SMIM14: variants seen among roughly 807,000 people sequenced by gnomAD.
The protein encoded by SMIM14 is small integral membrane protein 14.
A neutral mutation model predicts 12.6 loss-of-function variants in SMIM14; 5 were observed. The ratio of observed to expected loss-of-function variants is 0.40; its 90% CI spans 0.21 to 0.83. SMIM14 has a LOEUF of 0.83. SMIM14 is among the 40% of genes least tolerant of loss of function. SMIM14 has a pLI of 0.37. For missense variants in SMIM14, 86 were observed against 119.1 expected, an observed-to-expected ratio of 0.72 and a Z score of 1.29; for synonymous variants, 30 against 40.1, an observed-to-expected ratio of 0.75 and a Z score of 0.95.
chr4:39,578,485 T>C (rs564405790), intron 2 of SMIM14, among the ~76,000 whole-genome samples: 17 of 152,286 alleles, frequency 1.1e-4, no homozygotes, highest in African/African-American at 3.8e-4. Flanking sequence ...CCAAAGATAA[T>C]ACCCACAGTA....
chr4:39,572,644 A>G (rs1264187136), intron 2 of SMIM14, among the ~76,000 whole-genome samples, 181 bp from the exon 3 acceptor site: 1 of 151,990 alleles, frequency 6.6e-6, no homozygotes, highest in African/African-American at 2.4e-5. Context: ...TAACACAGCA[A>G]TACCCCATGT....
rs146491231 is a variant in SMIM14 at position 39,580,179 on chromosome 4, T to TTTA, written c.76-7719_76-7717dup. Among the ~76,000 whole-genome samples, 76 of 151,436 alleles carry TTTA rather than the reference T, an allele frequency of 5.0e-4. No individual in the cohort carries two copies. In the South Asian group the frequency reaches 0.014, roughly 27 times the overall value. On this transcript the variant is annotated intron_variant, in intron 2 of 4. Transcript: ENST00000295958. ...GGTTAAAAAATATTTTGTGTGTGGT[T>TTTA]TTATTATTATTATTATTTTGAGACA...
intron 2 of SMIM14, among the ~76,000 whole-genome samples, chr4:39,574,695 G>A (rs1713075471): frequency 1.3e-5 from 2 of 152,166 alleles, no homozygotes; most frequent in Admixed American, 6.6e-5. Flanking sequence ...ATGCAGTAAT[G>A]ACTCAAGAAA....
At chr4:39,604,256 G>C (rs1009635696) in intron 2 of SMIM14, among the ~76,000 whole-genome samples, 8 of 152,032 alleles carry the variant, frequency 5.3e-5, no homozygotes, top group Non-Finnish European at 2.9e-5. Flanking sequence ...CAGTAGTCTG[G>C]GCTGGGGAGG....
chr4:39,623,038 T>A lies in SMIM14; in HGVS notation c.-36+15701A>T, dbSNP rs73240633. The stretch of plus-strand genomic sequence containing the variant: ...CAAACCAACCTAGTAAAAGGACATT[T>A]ATGAACTATCAGGAACTTTGAACAC... On this transcript the variant is annotated intron_variant, in intron 1 of 4. Coordinates refer to ENST00000295958, the MANE Select transcript of SMIM14 (RefSeq NM_174921.3). Among the ~76,000 whole-genome samples, 879 of 152,310 alleles carry A rather than the reference T, an allele frequency of 5.8e-3. 1 individual carries two copies. Among genetic ancestry groups the A allele is most frequent in the Non-Finnish European group, 9.6e-3 (653 of 68,024 alleles).
In SMIM14 at chr4:39,627,969, C is replaced by T. The variant is rs574178022; in HGVS notation, c.-36+10770G>A. On this transcript the variant is annotated intron_variant, in intron 1 of 4. Transcript: ENST00000295958. ...TTTCTAAAATTTCCACCCAAGAGGG[C>T]ACATGTCATCAGGACCTCCTGTGTC... 1.3e-3 allele frequency among the ~76,000 whole-genome samples: 191 copies of T among 152,286 alleles called. No homozygotes were observed. In the Middle Eastern group the frequency reaches 0.014, roughly 11 times the overall value.
intron 2 of SMIM14, among the ~76,000 whole-genome samples, chr4:39,580,540 T>C (rs180774730): frequency 1.3e-3 from 203 of 151,456 alleles, no homozygotes; most frequent in African/African-American, 4.8e-3. Flanking sequence ...TTTTTTTTTT[T>C]AGATGGAGTC....
rs1711579907 is a variant in SMIM14 at position 39,549,878 on chromosome 4, C to A, written c.*2248G>T. ...TATCCAGGATTTAACTTACCTGTGT[C>A]ATGTTACCGATCTATTAACACAAGT... On this transcript the variant is annotated 3_prime_UTR_variant, in exon 5 of 5. Transcript: ENST00000295958. 6.6e-6 allele frequency: 1 copy of A among 152,166 alleles called. No individual in the cohort carries two copies. Among genetic ancestry groups the A allele is most frequent in the African/African-American group, 2.4e-5 (1 of 41,436 alleles). 9.4% of individuals were successfully genotyped at this position (152,166 alleles called of 1,614,324 possible).
At chr4:39,576,444 G>A (rs1371138053) in intron 2 of SMIM14, among the ~76,000 whole-genome samples, 1 of 151,048 alleles carries the variant, frequency 6.6e-6, no homozygotes, top group Non-Finnish European at 1.5e-5. Context: ...AGGTGACAAG[G>A]TGCCCTGCCT....
At chr4:39,606,493 T>C (rs1714813231) in intron 1 of SMIM14, among the ~76,000 whole-genome samples, 2 of 151,808 alleles carry the variant, frequency 1.3e-5, no homozygotes, top group Admixed American at 1.3e-4. Flanking sequence ...ATACAAAAAT[T>C]AGCCAAGCGT....
intron 1 of SMIM14, among the ~76,000 whole-genome samples, chr4:39,635,998 C>T (rs891222338): frequency 2.0e-5 from 3 of 151,770 alleles, no homozygotes; most frequent in African/African-American, 7.3e-5. Context: ...CATGGTGAAA[C>T]CCCGTCTCTA....
chr4:39,609,204 A>T (rs917863485), intron 1 of SMIM14, among the ~76,000 whole-genome samples: 4 of 151,654 alleles, frequency 2.6e-5, no homozygotes, highest in African/African-American at 9.7e-5. Context: ...ATGGTCTCGA[A>T]CTCCTGACCT....
chr4:39,573,779 G>A (rs1469008131), intron 2 of SMIM14, among the ~76,000 whole-genome samples: 1 of 152,132 alleles, frequency 6.6e-6, no homozygotes, highest in Non-Finnish European at 1.5e-5. Context: ...GGATAGATAA[G>A]AAACTAATAA....
intron 2 of SMIM14, among the ~76,000 whole-genome samples, chr4:39,584,481 C>CA (rs554273493): frequency 0.022 from 600 of 27,608 alleles, 33 homozygotes; most frequent in African/African-American, 0.04. Flanking sequence ...GACACTGTCT[C>CA]AAAAAAAAAA....
At chr4:39,581,015 C>T (rs904758522) in intron 2 of SMIM14, among the ~76,000 whole-genome samples, 10 of 152,058 alleles carry the variant, frequency 6.6e-5, no homozygotes, top group Non-Finnish European at 1.2e-4. Flanking sequence ...GCTAATATCA[C>T]GTGCTTAATT....
At chr4:39,603,826 C>T (rs1255242515) in intron 2 of SMIM14, among the ~76,000 whole-genome samples, 14 of 151,846 alleles carry the variant, frequency 9.2e-5, no homozygotes, top group Admixed American at 9.2e-4. Context: ...GCCTGACCAA[C>T]AAGGTGAAAC....
At chr4:39,577,143 T>C (rs1421998908) in intron 2 of SMIM14, among the ~76,000 whole-genome samples, 1 of 152,110 alleles carries the variant, frequency 6.6e-6, no homozygotes, top group Non-Finnish European at 1.5e-5. Flanking sequence ...CCAGTGTTTT[T>C]CTTCAGCACT....
intron 3 of SMIM14, among the ~76,000 whole-genome samples, chr4:39,562,382 CCAAA>C (rs113037747): frequency 0.095 from 14,390 of 151,704 alleles, 989 homozygotes; most frequent in African/African-American, 0.2. Context: ...GTCTCAACCC[CCAAA>C]CAAACAAACA....
At chr4:39,613,734 G>T (rs142486633) in intron 1 of SMIM14, among the ~76,000 whole-genome samples, 41 of 152,216 alleles carry the variant, frequency 2.7e-4, no homozygotes, top group African/African-American at 9.6e-4. Flanking sequence ...TCATTGACTT[G>T]TTCATCTCCC....
Sources: gnomAD v4.1 joint callset for allele counts (sites outside exome capture counted in the v4.1 genomes callset) on GRCh38, gnomAD v4.1.1 for gene constraint, MANE v1.5 for transcripts, NCBI Gene and HGNC (gene_info 2026-07-23, HGNC 2026-07-21) for gene names.